Variants in CHN2 observed in about 807,000 individuals in gnomAD.
CHN2 encodes the protein beta-chimaerin.
In CHN2, 35 loss-of-function variants were observed where a neutral mutation model predicts 56.3. The observed-to-expected ratio is 0.62, with a 90% CI of 0.47 to 0.82. The LOEUF is 0.82. Ranked by LOEUF, CHN2 falls within the 40% of genes least tolerant of loss-of-function variation. The pLI, the probability that CHN2 is intolerant of heterozygous loss-of-function variation, is 0.00. For missense variants in CHN2, 491 were observed against 580.5 expected, an observed-to-expected ratio of 0.85 and a Z score of 1.58; for synonymous variants, 210 against 212.8, an observed-to-expected ratio of 0.99 and a Z score of 0.12.
intron 1 of CHN2, among the ~76,000 whole-genome samples, chr7:29,274,493 A>T (rs187471036): frequency 3.7e-4 from 56 of 152,334 alleles, no homozygotes; most frequent in African/African-American, 1.3e-3. Flanking sequence ...TGGGTGCAAA[A>T]TCATCTCACT....
chr7:29,311,212 C>T (rs557688363), intron 1 of CHN2, among the ~76,000 whole-genome samples: 1 of 152,294 alleles, frequency 6.6e-6, no homozygotes, highest in African/African-American at 2.4e-5. Context: ...GACTCCCTGC[C>T]TCCTGGCTTT....
Position 29,304,278 on chromosome 7 carries a change from T to C in CHN2, c.50-50347T>C, listed in dbSNP as rs1180531119. ...GAACAGAGCCAACCCAATTTGCAGA[T>C]TGCTGAAGCCTAATCCTTGGCATCC... On this transcript the variant is annotated intron_variant, in intron 1 of 12. Coordinates refer to ENST00000222792, the MANE Select transcript of CHN2 (RefSeq NM_004067.4). Among the ~76,000 whole-genome samples the C allele has an allele frequency of 2.6e-5, 4 of 152,168 alleles. No individual in the cohort carries two copies. In the East Asian group the frequency reaches 7.7e-4, roughly 29 times the overall value.
At chr7:29,453,553 C>G in intron 6 of CHN2, among the ~76,000 whole-genome samples, 1 of 152,230 alleles carries the variant, frequency 6.6e-6, no homozygotes, top group East Asian at 1.9e-4. Flanking sequence ...CCCCCCCACG[C>G]CATAGCATTT....
Position 29,219,861 on chromosome 7 carries a change from G to A in CHN2, c.49+24871G>A, listed in dbSNP as rs192995541. 1.6e-3 allele frequency among the ~76,000 whole-genome samples: 244 copies of A among 152,204 alleles called. 2 individuals carry two copies. The highest frequency in any genetic ancestry group is 5.5e-3 in the African/African-American group (229 of 41,524). ...GGAGGCGAGGTGGGCGGATCACCAC[G>A]TCAGGAGATGGAGACCATCCTGGCT... On this transcript the variant is annotated intron_variant, in intron 1 of 12. Coordinates refer to ENST00000222792, the MANE Select transcript of CHN2 (RefSeq NM_004067.4).
At chr7:29,456,451 C>A (rs73687446) in intron 6 of CHN2, among the ~76,000 whole-genome samples, 1 of 152,138 alleles carries the variant, frequency 6.6e-6, no homozygotes, top group African/African-American at 2.4e-5. Flanking sequence ...CATTCTGGAT[C>A]GAGAGCAAAT....
At chr7:29,434,881 C>T (rs1247116345) in intron 6 of CHN2, among the ~76,000 whole-genome samples, 1 of 152,148 alleles carries the variant, frequency 6.6e-6, no homozygotes, top group Non-Finnish European at 1.5e-5. Context: ...AGCTTGAGGA[C>T]AGGAGTTTGA....
At position 29,296,123 on chromosome 7, in the gene CHN2, G is replaced by A. The variant is rs190340052; in HGVS notation, c.50-58502G>A. On this transcript the variant is annotated intron_variant, in intron 1 of 12. Coordinates refer to ENST00000222792, the MANE Select transcript of CHN2 (RefSeq NM_004067.4). ...TTTTAAGACAGAGTCTCGCTCTGTC[G>A]CCCAGGCTGGAGTGCAGTGGCGTGA... Among the ~76,000 whole-genome samples the A allele has an allele frequency of 5.4e-3, 808 of 148,826 alleles. 12 individuals carry two copies. Among genetic ancestry groups the A allele is most frequent in the African/African-American group, 0.018 (744 of 40,270 alleles).
intron 1 of CHN2, 99 bp from the exon 2 acceptor site, chr7:29,354,526 C>T (rs1221520987): frequency 6.7e-6 from 7 of 1,046,680 alleles, no homozygotes; most frequent in African/African-American, 1.6e-5. Context: ...GACCCGCATG[C>T]AAGTACTGTG....
At chr7:29,344,449 A>G (rs1246330991) in intron 1 of CHN2, among the ~76,000 whole-genome samples, 1 of 151,878 alleles carries the variant, frequency 6.6e-6, no homozygotes. Context: ...ACCCCTCCAA[A>G]ACACCCTCTG....
upstream of CHN2, among the ~76,000 whole-genome samples, chr7:29,189,820 T>A (rs577693812): frequency 1.2e-3 from 184 of 152,138 alleles, no homozygotes; most frequent in African/African-American, 4.3e-3. Context: ...CTCCAGGCAA[T>A]ACCCCCAAGC....
chr7:29,461,589 T>A (rs1785164536), intron 6 of CHN2, among the ~76,000 whole-genome samples: 2 of 152,248 alleles, frequency 1.3e-5, no homozygotes, highest in Admixed American at 1.3e-4. Context: ...GGCCTTCATG[T>A]TTCATGTGTG....
At chr7:29,365,745 A>G (rs1799104698) in intron 2 of CHN2, among the ~76,000 whole-genome samples, 1 of 152,178 alleles carries the variant, frequency 6.6e-6, no homozygotes. Context: ...GACAGGCAAA[A>G]GCATTTAGGG....
rs1216763033 is a variant in CHN2, at chr7:29,512,677, T to C, written c.1349T>C (p.Met450Thr). The change falls in exon 13 of 13, where the codon ATG becomes ACG. Residue 450 changes from methionine to threonine, a missense_variant. Met to Thr is a moderately conservative substitution (Grantham distance 81). Transcript: ENST00000222792. ...EDSTLTTLHD[M>T]RYQKLIVQIL... ...AGCACCCTGACCACCCTGCATGATA[T>C]GCGGTACCAAAAGCTGATTGTGCAG... The C allele has an allele frequency of 5.0e-6, 8 of 1,614,098 alleles. No homozygotes were observed. Among genetic ancestry groups the C allele is most frequent in the African/African-American group, 1.3e-5 (1 of 74,938 alleles).
chr7:29,437,395 G>A lies in CHN2; in HGVS notation c.576+36567G>A, dbSNP rs955084074. Among the ~76,000 whole-genome samples the A allele has an allele frequency of 3.0e-5, 4 of 135,166 alleles. 1 individual carries two copies. 88.7% of individuals were successfully genotyped at this position (135,166 alleles called of 152,430 possible). Reference sequence around the variant, plus strand: ...GGGCGGATCACGAGGTCAGGAGATCGAGACCATCCTGGCTAACACGGTGAA... The same window carrying A: ...GGGCGGATCACGAGGTCAGGAGATCAAGACCATCCTGGCTAACACGGTGAA... On this transcript the variant is annotated intron_variant, in intron 6 of 12. Coordinates refer to ENST00000222792, the MANE Select transcript of CHN2 (RefSeq NM_004067.4).
At chr7:29,408,419 C>G (rs1234553664) in intron 6 of CHN2, among the ~76,000 whole-genome samples, 2 of 152,104 alleles carry the variant, frequency 1.3e-5, no homozygotes, top group Non-Finnish European at 2.9e-5. Context: ...ACACCTGTCT[C>G]ACTTCTTCCC....
At chr7:29,192,052 T>C (rs1170596505), upstream of CHN2, 1 of 152,242 alleles carries the variant, frequency 6.6e-6, no homozygotes, top group African/African-American at 2.4e-5. Flanking sequence ...AACTTTCAGA[T>C]TTTAGTTCTG....
intron 3 of CHN2, among the ~76,000 whole-genome samples, chr7:29,371,327 C>T (rs1049453947): frequency 1.1e-4 from 16 of 152,300 alleles, no homozygotes; most frequent in Middle Eastern, 3.4e-3. Context: ...AGCTCTGGCG[C>T]CAATTAAGCC....
chr7:29,478,486 C>G (rs1489736053), intron 6 of CHN2, among the ~76,000 whole-genome samples: 1 of 152,132 alleles, frequency 6.6e-6, no homozygotes, highest in Non-Finnish European at 1.5e-5. Flanking sequence ...CAGACTCAAC[C>G]AGTATCTGAG....
At chr7:29,359,286 A>G (rs1229748714) in intron 2 of CHN2, among the ~76,000 whole-genome samples, 1 of 152,230 alleles carries the variant, frequency 6.6e-6, no homozygotes, top group South Asian at 2.1e-4. Context: ...ATGAAAATGG[A>G]TGCTGGGAAG....
Sources: allele counts gnomAD v4.1 joint callset (sites outside exome capture counted in the v4.1 genomes callset), GRCh38; gene constraint gnomAD v4.1.1; transcripts MANE v1.5; gene names NCBI Gene and HGNC (gene_info 2026-07-23, HGNC 2026-07-21).